The following TENM3 variants were observed in gnomAD, a reference collection of about 807,000 sequenced individuals.
TENM3 encodes the protein teneurin-3.
Under a neutral mutation model 255.1 loss-of-function variants are expected in TENM3, and 63 were observed. The observed-to-expected ratio is 0.25, with a 90% confidence interval of 0.20 to 0.30. The LOEUF (loss-of-function observed/expected upper bound fraction) is 0.30. TENM3 is among the 10% of genes least tolerant of loss of function. TENM3 has a pLI of 1.00. For synonymous variants in TENM3, 1,306 were observed against 1,322.3 expected (o/e 0.99, Z 0.27); for missense variants, 2,929 against 3,461.1 (o/e 0.85, Z 3.86).
chr4:182,800,522 A>G lies in TENM3; in HGVS notation c.*171A>G. Reference sequence around the variant, plus strand: ...GGACCGCTTTTTTCCGAATGACCTTAAAGGTGATCGGCTTTAACGAATATG... The same window carrying G: ...GGACCGCTTTTTTCCGAATGACCTTGAAGGTGATCGGCTTTAACGAATATG... On this transcript the variant is annotated 3_prime_UTR_variant, in exon 28 of 28. Transcript: ENST00000511685. 2.6e-6 allele frequency: 2 copies of G among 756,730 alleles called. No individual in the cohort carries two copies. The highest frequency in any genetic ancestry group is 3.8e-5 in the South Asian group (2 of 53,144). The allele number at this position is 756,730 out of a possible 1,614,324, so 46.9% of individuals were successfully genotyped here.
At chr4:182,478,110 C>T (rs1316092427) in intron 3 of TENM3, among the ~76,000 whole-genome samples, 1 of 151,970 alleles carries the variant, frequency 6.6e-6, no homozygotes, top group African/African-American at 2.4e-5. Context: ...AACACTTTTG[C>T]ACTTTTCTTT....
the TENM3 span, among the ~76,000 whole-genome samples, chr4:182,082,341 C>A: frequency 6.6e-6 from 1 of 152,118 alleles, no homozygotes; most frequent in African/African-American, 2.4e-5. Flanking sequence ...GACCTAATCA[C>A]CCCCGCCAAA....
At chr4:182,113,927 C>A in the TENM3 span, among the ~76,000 whole-genome samples, 1 of 152,170 alleles carries the variant, frequency 6.6e-6, no homozygotes, top group Non-Finnish European at 1.5e-5. Flanking sequence ...CATTTAATTT[C>A]TTTCCCAATG....
the TENM3 span, among the ~76,000 whole-genome samples, chr4:181,695,359 G>A: frequency 6.6e-6 from 1 of 152,198 alleles, no homozygotes. Context: ...AGGGGGAGCA[G>A]TGATGTGAAC....
At chr4:182,460,017 A>AGG (rs1491261899) in intron 3 of TENM3, among the ~76,000 whole-genome samples, 1 of 152,072 alleles carries the variant, frequency 6.6e-6, no homozygotes, top group Non-Finnish European at 1.5e-5. Context: ...ATTAGCAATA[A>AGG]GGGGATGTCT....
chr4:181,737,235 G>T, the TENM3 span, among the ~76,000 whole-genome samples: 3 of 152,054 alleles, frequency 2.0e-5, no homozygotes, highest in Non-Finnish European at 2.9e-5. Flanking sequence ...ACTTTGAAAG[G>T]TCCCATCCAG....
At chr4:181,655,622 T>C in the TENM3 span, among the ~76,000 whole-genome samples, 8 of 152,276 alleles carry the variant, frequency 5.3e-5, no homozygotes, top group Non-Finnish European at 1.0e-4. Context: ...AGAGGCCCCT[T>C]TCATAGTTTG....
At chr4:181,447,937 T>C in the TENM3 span, among the ~76,000 whole-genome samples, 3 of 152,166 alleles carry the variant, frequency 2.0e-5, no homozygotes, top group African/African-American at 7.2e-5. Flanking sequence ...CCTATAGCCG[T>C]AGTACTTCTG....
At chr4:182,521,574 A>G (rs1232833679) in intron 3 of TENM3, among the ~76,000 whole-genome samples, 1 of 150,780 alleles carries the variant, frequency 6.6e-6, no homozygotes, top group East Asian at 2.0e-4. Context: ...TTGGGTAGCA[A>G]ATGGGGGGGT....
At chr4:182,311,073 C>T (rs1325914429) in intron 1 of TENM3, among the ~76,000 whole-genome samples, 3 of 152,224 alleles carry the variant, frequency 2.0e-5, no homozygotes, top group Non-Finnish European at 4.4e-5. Flanking sequence ...CCTTTGATAA[C>T]TGAACCACAT....
the TENM3 span, among the ~76,000 whole-genome samples, chr4:181,620,350 G>C: frequency 6.6e-6 from 1 of 152,160 alleles, no homozygotes; most frequent in East Asian, 1.9e-4. Flanking sequence ...GGACACCCGC[G>C]TATACCCAAA....
At chr4:182,695,298 C>G (rs1757314879) in intron 12 of TENM3, among the ~76,000 whole-genome samples, 1 of 152,142 alleles carries the variant, frequency 6.6e-6, no homozygotes, top group Admixed American at 6.5e-5. Context: ...CAGGGTCCTT[C>G]ATTTGCACTG....
chr4:181,936,991 G>T, the TENM3 span, among the ~76,000 whole-genome samples: 1 of 152,214 alleles, frequency 6.6e-6, no homozygotes, highest in Non-Finnish European at 1.5e-5. Flanking sequence ...TTGTAAAGAG[G>T]TAACAAGTGG....
Position 182,682,010 on chromosome 4 carries a change from A to G in TENM3, c.2031A>G (p.Ser677=), listed in dbSNP as rs1756217272. 1 of 1,613,572 alleles carries G rather than the reference A, an allele frequency of 6.2e-7. No homozygotes were observed. Among genetic ancestry groups the G allele is most frequent in the Non-Finnish European group, 8.5e-7 (1 of 1,179,746 alleles). ...CTAACTGGACTGGCCCAGACTGCTC[A>G]AACGGTGAGGTTAATAAATGCAGTA... is the stretch of plus-strand genomic sequence containing the variant. The part of the protein sequence containing the change: ...CDPNWTGPDC[S]NEICSVDCGS... The change falls in exon 11 of 28, where the codon TCA becomes TCG. Residue 677 remains serine (S), a synonymous_variant. Coordinates refer to ENST00000511685, the MANE Select transcript of TENM3 (RefSeq NM_001080477.4).
At chr4:182,195,957 G>A (rs1474469550) in intron 1 of TENM3, among the ~76,000 whole-genome samples, 1 of 152,144 alleles carries the variant, frequency 6.6e-6, no homozygotes, top group African/African-American at 2.4e-5. Flanking sequence ...TTGTAGGTTT[G>A]AAATCAATAA....
At chr4:182,532,198 T>A (rs983143834) in intron 3 of TENM3, among the ~76,000 whole-genome samples, 2 of 152,190 alleles carry the variant, frequency 1.3e-5, no homozygotes, top group African/African-American at 4.8e-5. Context: ...AATAAAATAA[T>A]CATAGACTGT....
At chr4:181,668,826 T>G in the TENM3 span, among the ~76,000 whole-genome samples, 1 of 152,198 alleles carries the variant, frequency 6.6e-6, no homozygotes, top group Non-Finnish European at 1.5e-5. Context: ...TGGAATGTCC[T>G]GCTCTGCCTT....
In TENM3 at chr4:182,577,367, A is replaced by T. The variant is rs377028101; in HGVS notation, c.512-23557A>T. On this transcript the variant is annotated intron_variant, in intron 3 of 27. Coordinates refer to ENST00000511685, the MANE Select transcript of TENM3 (RefSeq NM_001080477.4). The stretch of plus-strand genomic sequence containing the variant: ...TGAAAGTACCTGAAGTACAGTAGGT[A>T]TTCTATGTAGGTGTGTTGTATAAAT... 4.6e-5 allele frequency among the ~76,000 whole-genome samples: 7 copies of T among 152,302 alleles called. No homozygotes were observed. The East Asian group carries it at 1.2e-3, about 25-fold the overall frequency.
intron 13 of TENM3, among the ~76,000 whole-genome samples, chr4:182,722,028 G>T (rs972039884): frequency 6.6e-6 from 1 of 152,046 alleles, no homozygotes; most frequent in Non-Finnish European, 1.5e-5. Flanking sequence ...AATTTATGGT[G>T]CATGCAGAAG....
Sources: allele counts gnomAD v4.1 joint callset (sites outside exome capture counted in the v4.1 genomes callset), GRCh38; gene constraint gnomAD v4.1.1; transcripts MANE v1.5; gene names NCBI Gene and HGNC (gene_info 2026-07-23, HGNC 2026-07-21).